The following AGPS variants were observed in gnomAD, a reference collection of about 807,000 sequenced individuals.
AGPS encodes alkylglycerone phosphate synthase.
AGPS carries 26 observed loss-of-function variants against 90.7 expected under a neutral mutation model. The observed-to-expected ratio is 0.29, with a 90% CI of 0.21 to 0.40. The LOEUF is 0.40. AGPS is among the 10% of genes least tolerant of loss of function. The probability of loss-of-function intolerance (pLI) is 1.00; values close to 1 mark genes in which losing one functional copy is unlikely to be tolerated. For missense variants in AGPS, 540 were observed against 816.1 expected, an observed-to-expected ratio of 0.66 and a Z score of 4.12; for synonymous variants, 294 against 285.3, an observed-to-expected ratio of 1.03 and a Z score of -0.31.
At chr2:177,461,839 G>A (rs1460486140) in intron 8 of AGPS, 54 bp from the exon 9 acceptor site, 14 of 1,547,046 alleles carry the variant, frequency 9.0e-6, no homozygotes, top group Non-Finnish European at 1.1e-5. Context: ...TGTGTTGAGT[G>A]CTGTACGTAA....
chr2:177,433,346 G>A (rs1468075607), intron 2 of AGPS, among the ~76,000 whole-genome samples: 1 of 152,100 alleles, frequency 6.6e-6, no homozygotes, highest in South Asian at 2.1e-4. Context: ...GATGCCAATG[G>A]AATGTCTCAG....
At chr2:177,477,550 T>A (rs1043923684) in intron 10 of AGPS, among the ~76,000 whole-genome samples, 8 of 152,142 alleles carry the variant, frequency 5.3e-5, no homozygotes, top group African/African-American at 1.7e-4. Context: ...ATTTTTGGAT[T>A]TGGGATGCTC....
chr2:177,534,326 T>C (rs1040546885), intron 19 of AGPS, among the ~76,000 whole-genome samples: 1 of 152,198 alleles, frequency 6.6e-6, no homozygotes, highest in African/African-American at 2.4e-5. Flanking sequence ...TCTTGCATTC[T>C]TTCTTGAATC....
At chr2:177,459,210 T>A (rs578189764) in intron 8 of AGPS, among the ~76,000 whole-genome samples, 13 of 152,140 alleles carry the variant, frequency 8.5e-5, no homozygotes, top group Non-Finnish European at 1.9e-4. Context: ...CCTAGGACCA[T>A]AAAAATCCTA....
At chr2:177,489,797 T>C (rs1688196764) in intron 11 of AGPS, among the ~76,000 whole-genome samples, 1 of 152,216 alleles carries the variant, frequency 6.6e-6, no homozygotes, top group South Asian at 2.1e-4. Context: ...TAGTAAGCAA[T>C]TTCTGTCTGA....
intron 7 of AGPS, among the ~76,000 whole-genome samples, chr2:177,444,331 G>A (rs1243927258): frequency 6.7e-6 from 1 of 149,634 alleles, no homozygotes; most frequent in Non-Finnish European, 1.5e-5. Context: ...TGAGGCAGGA[G>A]AATTGCTTGA....
intron 5 of AGPS, among the ~76,000 whole-genome samples, chr2:177,437,850 T>C (rs1003280774): frequency 1.5e-4 from 23 of 152,168 alleles, no homozygotes; most frequent in African/African-American, 4.8e-5. Flanking sequence ...AATTATACTT[T>C]AATGTGGGGG....
chr2:177,406,502 G>A (rs148219927), intron 1 of AGPS, among the ~76,000 whole-genome samples: 59 of 152,310 alleles, frequency 3.9e-4, no homozygotes, highest in Admixed American at 6.5e-4. Context: ...TTAGACAGGG[G>A]ATATATACAG....
At chr2:177,450,843 C>A (rs1686917531) in intron 8 of AGPS, among the ~76,000 whole-genome samples, 2 of 151,722 alleles carry the variant, frequency 1.3e-5, no homozygotes, top group African/African-American at 4.9e-5. Context: ...TTTGAGGAGA[C>A]TGACAGCTTA....
At chr2:177,462,364 G>T (rs1190163347) in intron 9 of AGPS, among the ~76,000 whole-genome samples, 1 of 135,180 alleles carries the variant, frequency 7.4e-6, no homozygotes, top group Admixed American at 8.6e-5. Flanking sequence ...CTGCACTCCA[G>T]CCTGGGCGAC....
At chr2:177,409,544 C>T (rs976273926) in intron 1 of AGPS, among the ~76,000 whole-genome samples, 3 of 152,106 alleles carry the variant, frequency 2.0e-5, no homozygotes, top group Admixed American at 6.6e-5. Context: ...TCTTAGTCGG[C>T]TTAGGAAATC....
intron 3 of AGPS, among the ~76,000 whole-genome samples, chr2:177,436,476 A>G (rs945326945): frequency 1.3e-5 from 2 of 152,180 alleles, no homozygotes; most frequent in Non-Finnish European, 2.9e-5. Context: ...ATCGACAGGT[A>G]TAAGTGTAGA....
rs1348686600 is a variant in AGPS at position 177,515,989 on chromosome 2, AT to A, written c.1697+2087del. Among the ~76,000 whole-genome samples the A allele has an allele frequency of 6.6e-5, 10 of 152,230 alleles. No homozygotes were observed. The East Asian group carries it at 1.9e-3, about 29-fold the overall frequency. ...ATTCCATGTTGAATATGTGAGATGT[AT>A]TTTTTAAACCAGTTTTTTATCAGGT... On this transcript the variant is annotated intron_variant, in intron 17 of 19. Coordinates refer to ENST00000264167, the MANE Select transcript of AGPS (RefSeq NM_003659.4).
chr2:177,409,777 G>A (rs997762001), intron 1 of AGPS, among the ~76,000 whole-genome samples: 5 of 152,106 alleles, frequency 3.3e-5, no homozygotes, highest in African/African-American at 1.2e-4. Flanking sequence ...TGCATCAGGG[G>A]CTCCATTTGA....
intron 1 of AGPS, among the ~76,000 whole-genome samples, chr2:177,409,690 TGG>T (rs1685565051): frequency 6.6e-6 from 1 of 152,080 alleles, no homozygotes; most frequent in Admixed American, 6.5e-5. Context: ...CAGATTTCCT[TGG>T]GAGGGGTGCC....
At chr2:177,464,463 T>G (rs1687389931) in intron 9 of AGPS, among the ~76,000 whole-genome samples, 1 of 152,250 alleles carries the variant, frequency 6.6e-6, no homozygotes, top group African/African-American at 2.4e-5. Flanking sequence ...TGCTCATAGC[T>G]TATTTAACTG....
At chr2:177,399,990 T>G (rs369626568) in intron 1 of AGPS, among the ~76,000 whole-genome samples, 2 of 152,234 alleles carry the variant, frequency 1.3e-5, no homozygotes, top group South Asian at 4.1e-4. Flanking sequence ...AATTTATCCA[T>G]TCTGTTATTG....
In AGPS at chr2:177,442,435, G is replaced by A. The variant is rs761928738; in HGVS notation, c.738G>A (p.Met246Ile). 2.5e-6 allele frequency: 4 copies of A among 1,613,814 alleles called. No individual in the cohort carries two copies. Among genetic ancestry groups the A allele is most frequent in the South Asian group, 1.1e-5 (1 of 91,080 alleles). Reference protein sequence around the residue: ...GGGTSVSYGLMCPADETRTII... With the variant: ...GGGTSVSYGLICPADETRTII... ...GAACAAGTGTTTCATATGGCCTGAT[G>A]TGTCCTGCAGATGAGACAAGAACAA... is the stretch of plus-strand genomic sequence containing the variant. Residue 246 changes from methionine to isoleucine, a missense_variant, in exon 7 of 20, where the codon ATG becomes ATA. Transcript: ENST00000264167.
chr2:177,507,894 T>C, intron 15 of AGPS, 76 bp from the exon 16 acceptor site: 1 of 998,786 alleles, frequency 1.0e-6, no homozygotes, highest in African/African-American at 1.6e-5. Context: ...TAACAATGAA[T>C]ATGAAAGACT....
Sources: allele counts gnomAD v4.1 joint callset (sites outside exome capture counted in the v4.1 genomes callset), GRCh38; gene constraint gnomAD v4.1.1; transcripts MANE v1.5; gene names NCBI Gene and HGNC (gene_info 2026-07-23, HGNC 2026-07-21).